LTBP1: variants seen among roughly 807,000 people sequenced by gnomAD.
LTBP1 encodes the protein latent transforming growth factor beta binding protein 1, also known as latent-transforming growth factor beta-binding protein 1.
Under a neutral mutation model 207.6 loss-of-function variants are expected in LTBP1, and 129 were observed. That is an observed-to-expected ratio of 0.62 (90% CI 0.54 to 0.72). The LOEUF (loss-of-function observed/expected upper bound fraction) is 0.72. LTBP1 is among the 30% of genes least tolerant of loss of function. LTBP1 has a pLI of 0.00. For synonymous variants in LTBP1, 963 were observed against 833.7 expected (o/e 1.16, Z -2.67); for missense variants, 2,281 against 2,217.2 (o/e 1.03, Z -0.58).
At chr2:33,161,651 C>T (rs960943587) in intron 5 of LTBP1, among the ~76,000 whole-genome samples, 1 of 152,126 alleles carries the variant, frequency 6.6e-6, no homozygotes, top group Non-Finnish European at 1.5e-5. Flanking sequence ...TTAATATTAG[C>T]GTTAAAGTAG....
Position 32,947,832 on chromosome 2 carries a change from C to T in LTBP1, c.494+14C>T, listed in dbSNP as rs1453241675. 1 of 1,300,518 alleles carries T rather than the reference C, an allele frequency of 7.7e-7. No individual in the cohort carries two copies. Among genetic ancestry groups the T allele is most frequent in the Non-Finnish European group, 9.8e-7 (1 of 1,017,890 alleles). The allele number at this position is 1,300,518 out of a possible 1,614,324, so 80.6% of individuals were successfully genotyped here. A position where few individuals can be genotyped will look rare whatever the true frequency, so the allele number is the denominator to read the frequency against. On this transcript the variant is annotated intron_variant, in intron 1 of 33. Coordinates refer to ENST00000404816, the MANE Select transcript of LTBP1 (RefSeq NM_206943.4). ...GCAGCTGCAGGGGTAAGCCCACACCCCCTTCCGCCCGCCCGCCCGCCTCGC... is the reference window on the plus strand; with the variant it reads ...GCAGCTGCAGGGGTAAGCCCACACCTCCTTCCGCCCGCCCGCCCGCCTCGC...
At chr2:33,295,778 A>G (rs891883759) in intron 20 of LTBP1, among the ~76,000 whole-genome samples, 21 of 152,166 alleles carry the variant, frequency 1.4e-4, no homozygotes, top group Admixed American at 1.2e-3. Context: ...GTCTTGATGT[A>G]AGTGAAGGAT....
chr2:33,389,332 G>C, intron 32 of LTBP1, 26 bp downstream of exon 32: 1 of 1,613,032 alleles, frequency 6.2e-7, no homozygotes, highest in East Asian at 2.2e-5. Flanking sequence ...TTGTTCCTTT[G>C]ATACTAAGTT....
chr2:33,359,539 TC>T (rs1182085414), intron 26 of LTBP1, among the ~76,000 whole-genome samples: 3 of 152,312 alleles, frequency 2.0e-5, no homozygotes, highest in African/African-American at 7.2e-5. Flanking sequence ...GTAAATGTCT[TC>T]CTTTTGACCT....
chr2:33,205,497 G>A (rs1017531351), intron 7 of LTBP1, among the ~76,000 whole-genome samples: 2 of 152,182 alleles, frequency 1.3e-5, no homozygotes, highest in African/African-American at 4.8e-5. Flanking sequence ...ACATGTTAGA[G>A]GTGAGCAGAG....
intron 2 of LTBP1, among the ~76,000 whole-genome samples, chr2:33,018,629 G>A (rs993863606): frequency 6.6e-6 from 1 of 152,110 alleles, no homozygotes; most frequent in Admixed American, 6.5e-5. Context: ...CTCAGATATA[G>A]CAACAAAGTT....
Position 33,341,291 on chromosome 2 carries a change from G to C in LTBP1, c.3731-1547G>C, listed in dbSNP as rs187375613. ...CAGGGGAGGAATAACTGAAGATGTT[G>C]GAGAAGGATGAGCAGGTGGGACCTT... On this transcript the variant is annotated intron_variant, in intron 24 of 33. Transcript: ENST00000404816. 1.3e-3 allele frequency among the ~76,000 whole-genome samples: 200 copies of C among 152,272 alleles called. 1 individual carries two copies. The highest frequency in any genetic ancestry group is 4.6e-3 in the African/African-American group (190 of 41,554).
chr2:33,013,603 T>C (rs530640368), intron 2 of LTBP1, among the ~76,000 whole-genome samples: 1 of 152,236 alleles, frequency 6.6e-6, no homozygotes, highest in Admixed American at 6.5e-5. Context: ...AAAAAAGTTA[T>C]ACATGGCAGT....
At chr2:33,162,551 T>C (rs1310506585) in intron 5 of LTBP1, among the ~76,000 whole-genome samples, 1 of 152,246 alleles carries the variant, frequency 6.6e-6, no homozygotes, top group Non-Finnish European at 1.5e-5. Context: ...ATTACACATA[T>C]CCTTGACGAG....
intron 5 of LTBP1, among the ~76,000 whole-genome samples, chr2:33,154,772 G>C (rs2083823917): frequency 6.6e-6 from 1 of 152,170 alleles, no homozygotes; most frequent in Admixed American, 6.5e-5. Context: ...TACCATAAAA[G>C]TTGAACTAGG....
chr2:33,370,915 G>A (rs114381734), intron 31 of LTBP1, among the ~76,000 whole-genome samples: 3,025 of 152,274 alleles, frequency 0.02, 54 homozygotes, highest in Non-Finnish European at 0.032. Context: ...GCTCCAGAGC[G>A]AGCTTTCACA....
intron 5 of LTBP1, among the ~76,000 whole-genome samples, chr2:33,168,239 C>T (rs1368662186): frequency 2.0e-5 from 3 of 151,420 alleles, no homozygotes; most frequent in Non-Finnish European, 4.4e-5. Context: ...GAAAATTAGC[C>T]AGGCTTAGTG....
chr2:33,168,074 A>G (rs2085082244), intron 5 of LTBP1, among the ~76,000 whole-genome samples: 1 of 152,204 alleles, frequency 6.6e-6, no homozygotes. Context: ...CACTCTGTGC[A>G]TAGTTGTAAG....
chr2:33,227,768 G>T (rs1488399780), intron 9 of LTBP1, among the ~76,000 whole-genome samples: 1 of 150,110 alleles, frequency 6.7e-6, no homozygotes, highest in Non-Finnish European at 1.5e-5. Context: ...ATGAAGAAAG[G>T]GTTCATTTGT....
intron 26 of LTBP1, among the ~76,000 whole-genome samples, chr2:33,351,235 G>C (rs1051551389): frequency 6.6e-6 from 1 of 152,086 alleles, no homozygotes; most frequent in African/African-American, 2.4e-5. Flanking sequence ...TGATTTTCCA[G>C]CTCAACTTTT....
At chr2:33,080,814 A>G (rs1277886193) in intron 3 of LTBP1, among the ~76,000 whole-genome samples, 1 of 152,226 alleles carries the variant, frequency 6.6e-6, no homozygotes, top group African/African-American at 2.4e-5. Flanking sequence ...ACACACATCA[A>G]TGTATAGTAT....
intron 2 of LTBP1, among the ~76,000 whole-genome samples, chr2:32,974,134 A>T (rs1260947584): frequency 6.6e-6 from 1 of 152,188 alleles, no homozygotes; most frequent in African/African-American, 2.4e-5. Context: ...GGATTGCTGG[A>T]TCATATGGTA....
At chr2:33,198,457 AG>A (rs1263401840) in intron 7 of LTBP1, among the ~76,000 whole-genome samples, 1 of 152,154 alleles carries the variant, frequency 6.6e-6, no homozygotes, top group Non-Finnish European at 1.5e-5. Flanking sequence ...TGACTGGAAT[AG>A]TTTCAGAAGG....
At chr2:33,124,734 T>A (rs374114759) in intron 4 of LTBP1, among the ~76,000 whole-genome samples, 1 of 152,246 alleles carries the variant, frequency 6.6e-6, no homozygotes, top group African/African-American at 2.4e-5. Context: ...AAACTGACCA[T>A]GTGTAAGTAT....
Sources: gnomAD v4.1 joint callset for allele counts (sites outside exome capture counted in the v4.1 genomes callset) on GRCh38, gnomAD v4.1.1 for gene constraint, MANE v1.5 for transcripts, NCBI Gene and HGNC (gene_info 2026-07-23, HGNC 2026-07-21) for gene names.